The following NR2C1 variants were observed in gnomAD, a reference collection of about 807,000 sequenced individuals.
NR2C1 encodes the protein TR2 nuclear hormone receptor.
In NR2C1, 33 loss-of-function variants were observed where a neutral mutation model predicts 74.8. The observed-to-expected ratio is 0.44, with a 90% CI of 0.33 to 0.59. The LOEUF (loss-of-function observed/expected upper bound fraction) is 0.59. NR2C1 is among the 20% of genes least tolerant of loss of function. NR2C1 has a pLI of 0.02. For synonymous variants in NR2C1, 225 were observed against 240.6 expected (o/e 0.94, Z 0.60); for missense variants, 568 against 715.6 (o/e 0.79, Z 2.35).
At position 95,062,444 on chromosome 12, in the gene NR2C1, G is replaced by C. The variant is rs563577594; in HGVS notation, c.285+64C>G. 4.7e-6 allele frequency: 5 copies of C among 1,069,962 alleles called. No individual in the cohort carries two copies. The South Asian group carries it at 7.5e-5, about 16-fold the overall frequency. The allele number at this position is 1,069,962 out of a possible 1,614,324, so 66.3% of individuals were successfully genotyped here. A position where few individuals can be genotyped will look rare whatever the true frequency, so the allele number is the denominator to read the frequency against. On this transcript the variant is annotated intron_variant, in intron 3 of 13. Transcript: ENST00000333003. ...CATAGATCTAAAGTCTTCATGGCAG[G>C]GCTTATGATTAAAATTTTTTTTTTA...
intron 9 of NR2C1, among the ~76,000 whole-genome samples, chr12:95,045,626 C>T (rs1872215127): frequency 1.3e-5 from 2 of 151,720 alleles, no homozygotes; most frequent in South Asian, 2.1e-4. Context: ...CAAACATGGG[C>T]GACCAGAAAG....
rs188775942 is a variant in NR2C1 at position 95,051,243 on chromosome 12, G to A, written c.965+519C>T. 5.4e-3 allele frequency among the ~76,000 whole-genome samples: 820 copies of A among 152,266 alleles called. 4 individuals carry two copies. Among genetic ancestry groups the A allele is most frequent in the African/African-American group, 0.019 (777 of 41,542 alleles). On this transcript the variant is annotated intron_variant, in intron 8 of 13. Transcript: ENST00000333003. ...GGAAATTTCACACCTGACCTCTCAT[G>A]ATGGGTTGCAGTCAAAAAGCAGGTG...
chr12:95,057,697 A>C lies in NR2C1; in HGVS notation c.692+34T>G, dbSNP rs759133231. 5.6e-6 allele frequency: 9 copies of C among 1,612,846 alleles called. No homozygotes were observed. In the East Asian group the frequency reaches 1.8e-4, roughly 32 times the overall value. ...TGAGTTTCATTGGGAAGAAAAACAA[A>C]ATGACCAGCTACTCAGTGTCTGTTT... On this transcript the variant is annotated intron_variant, in intron 6 of 13. Transcript: ENST00000333003.
intron 2 of NR2C1, 136 bp from the exon 3 acceptor site, chr12:95,062,874 C>T: frequency 1.5e-6 from 1 of 653,504 alleles, no homozygotes; most frequent in South Asian, 1.9e-5. Flanking sequence ...ATTCTATTGC[C>T]ACAAAATTCT....
chr12:95,066,155 A>C (rs1463864973), intron 2 of NR2C1, among the ~76,000 whole-genome samples: 1 of 152,096 alleles, frequency 6.6e-6, no homozygotes, highest in African/African-American at 2.4e-5. Flanking sequence ...AGTTTAACAG[A>C]AGTTGGAATC....
At chr12:95,045,108 C>T (rs979094574) in intron 9 of NR2C1, among the ~76,000 whole-genome samples, 5 of 152,120 alleles carry the variant, frequency 3.3e-5, no homozygotes, top group African/African-American at 9.7e-5. Flanking sequence ...TTAATCACTT[C>T]GCCTAATTAC....
chr12:95,053,857 G>T (rs1422031386), intron 7 of NR2C1, among the ~76,000 whole-genome samples: 4 of 151,768 alleles, frequency 2.6e-5, no homozygotes, highest in Non-Finnish European at 5.9e-5. Flanking sequence ...CTAATTTTTT[G>T]TATTTTTGGT....
intron 9 of NR2C1, among the ~76,000 whole-genome samples, chr12:95,043,674 AGCAAG>A (rs1555207263): frequency 4.3e-5 from 6 of 141,042 alleles, no homozygotes; most frequent in Non-Finnish European, 8.9e-5. Context: ...TGGGAGACAG[AGCAAG>A]ACTCTGTCTC....
rs187420623 is a variant in NR2C1, at chr12:95,057,941, G to C, written c.545-63C>G. 8.1e-4 allele frequency: 1,157 copies of C among 1,429,072 alleles called. 2 individuals carry two copies. Among genetic ancestry groups the C allele is most frequent in the Non-Finnish European group, 1.0e-3 (1,071 of 1,024,968 alleles). The allele number at this position is 1,429,072 out of a possible 1,614,324, so 88.5% of individuals were successfully genotyped here. ...GATTTACAGACAATTAGAAATGTAA[G>C]CTGTAGGTAAGCTTAATGCTGCTAA... is the stretch of plus-strand genomic sequence containing the variant. On this transcript the variant is annotated intron_variant, in intron 5 of 13. Transcript: ENST00000333003.
At chr12:95,067,724 T>C (rs1312704245) in intron 1 of NR2C1, among the ~76,000 whole-genome samples, 2 of 151,684 alleles carry the variant, frequency 1.3e-5, no homozygotes, top group African/African-American at 4.8e-5. Flanking sequence ...CCACCACACC[T>C]GGCTAATTTT....
intron 13 of NR2C1, among the ~76,000 whole-genome samples, chr12:95,023,416 T>C (rs948565805): frequency 6.6e-6 from 1 of 152,164 alleles, no homozygotes; most frequent in East Asian, 1.9e-4. Context: ...TAGCAACTCA[T>C]TTCAGGTTTT....
intron 12 of NR2C1, 139 bp from the exon 13 acceptor site, chr12:95,025,394 C>T (rs1869229416): frequency 5.6e-6 from 3 of 534,868 alleles, no homozygotes; most frequent in East Asian, 3.3e-5. Flanking sequence ...CATGGTGGCT[C>T]ACGCCTGTAA....
At chr12:95,062,775 T>C (rs1874990901) in intron 2 of NR2C1, 37 bp from the exon 3 acceptor site, 2 of 1,506,368 alleles carry the variant, frequency 1.3e-6, no homozygotes, top group African/African-American at 1.4e-5. Context: ...TGAAACTCAA[T>C]AATTTTTCTT....
chr12:95,060,641 C>CCT (rs754122050), intron 3 of NR2C1, among the ~76,000 whole-genome samples: 5 of 152,136 alleles, frequency 3.3e-5, no homozygotes, highest in Non-Finnish European at 7.4e-5. Flanking sequence ...GGAGACAGAA[C>CCT]GAGACTCCAT....
intron 9 of NR2C1, among the ~76,000 whole-genome samples, chr12:95,042,219 C>CT (rs1212588554): frequency 0.04 from 5,062 of 125,864 alleles, 357 homozygotes; most frequent in African/African-American, 0.13. Context: ...TCAAAGGTAT[C>CT]TTTTTTTTTT....
In NR2C1 at chr12:95,051,958, G is replaced by A. The variant is rs762590467; in HGVS notation, c.784-15C>T. 8 of 1,528,878 alleles carry A rather than the reference G, an allele frequency of 5.2e-6. No homozygotes were observed. Among genetic ancestry groups the A allele is most frequent in the Non-Finnish European group, 6.1e-6 (7 of 1,140,806 alleles). The allele number at this position is 1,528,878 out of a possible 1,614,324, so 94.7% of individuals were successfully genotyped here. ...CATGATTCAGCCTTTAAAAAAAAGGGTATTAAAATTCTGTGAATTGGTATC... is the reference window on the plus strand; with the variant it reads ...CATGATTCAGCCTTTAAAAAAAAGGATATTAAAATTCTGTGAATTGGTATC... On this transcript the variant is annotated splice_polypyrimidine_tract_variant and intron_variant, in intron 7 of 13. Transcript: ENST00000333003.
intron 8 of NR2C1, among the ~76,000 whole-genome samples, chr12:95,050,628 A>AT (rs1491571764): frequency 6.6e-6 from 1 of 150,558 alleles, no homozygotes; most frequent in Non-Finnish European, 1.5e-5. Context: ...TATTTTTATC[A>AT]TATCTTTTTT....
At chr12:95,065,491 G>A (rs1183778764) in intron 2 of NR2C1, among the ~76,000 whole-genome samples, 1 of 151,774 alleles carries the variant, frequency 6.6e-6, no homozygotes, top group East Asian at 1.9e-4. Flanking sequence ...TTTAATTTTC[G>A]TGGGTACATA....
chr12:95,053,594 T>G (rs1025385357), intron 7 of NR2C1, among the ~76,000 whole-genome samples: 8 of 151,898 alleles, frequency 5.3e-5, no homozygotes, highest in Non-Finnish European at 1.2e-4. Context: ...ATGAGAAGCC[T>G]TTTAAGTTGC....
Sources: allele counts gnomAD v4.1 joint callset (sites outside exome capture counted in the v4.1 genomes callset), GRCh38; gene constraint gnomAD v4.1.1; transcripts MANE v1.5; gene names NCBI Gene and HGNC (gene_info 2026-07-23, HGNC 2026-07-21).